TAS2R1: variants seen among roughly 807,000 people sequenced by gnomAD.
TAS2R1 encodes the protein taste receptor type 2 member 1.
For missense variants in TAS2R1, 370 were observed against 353.4 expected (o/e 1.05, Z -0.38); for synonymous variants, 141 against 134.2 (o/e 1.05, Z -0.35).
the TAS2R1 span, among the ~76,000 whole-genome samples, chr5:9,846,150 A>T: frequency 2.6e-5 from 4 of 152,228 alleles, no homozygotes; most frequent in Non-Finnish European, 5.9e-5. Context: ...GCTATTTCCG[A>T]TGAAGGGCTA....
At chr5:9,664,830 CTA>C in intron 1 of TAS2R1, among the ~76,000 whole-genome samples, 1 of 152,206 alleles carries the variant, frequency 6.6e-6, no homozygotes, top group Non-Finnish European at 1.5e-5. Flanking sequence ...ATTTAACTTA[CTA>C]TGTTTCGGGC....
At chr5:9,750,086 G>A in the TAS2R1 span, among the ~76,000 whole-genome samples, 2,409 of 152,274 alleles carry the variant, frequency 0.016, 56 homozygotes, top group African/African-American at 0.052. Flanking sequence ...TGACCAATAG[G>A]ATGCACCAGC....
At chr5:9,642,334 T>G (rs372336317) in intron 2 of TAS2R1, among the ~76,000 whole-genome samples, 3 of 152,214 alleles carry the variant, frequency 2.0e-5, no homozygotes, top group African/African-American at 7.2e-5. Flanking sequence ...AACATGTGCA[T>G]GTATTAACAT....
intron 1 of TAS2R1, among the ~76,000 whole-genome samples, chr5:9,676,929 T>C (rs1403256715): frequency 3.3e-5 from 5 of 152,092 alleles, no homozygotes; most frequent in African/African-American, 1.2e-4. Context: ...AAATATAAAT[T>C]ATTCTACCAT....
chr5:9,774,544 G>A, the TAS2R1 span, among the ~76,000 whole-genome samples: 12 of 152,304 alleles, frequency 7.9e-5, no homozygotes, highest in South Asian at 1.4e-3. Flanking sequence ...CTGACAACCC[G>A]CATTTGTTTG....
the TAS2R1 span, among the ~76,000 whole-genome samples, chr5:9,884,248 G>T: frequency 6.6e-6 from 1 of 151,918 alleles, no homozygotes; most frequent in Non-Finnish European, 1.5e-5. Flanking sequence ...GGCGGAGGTG[G>T]GTGGATCATG....
At chr5:9,727,777 C>A in the TAS2R1 span, among the ~76,000 whole-genome samples, 1 of 152,136 alleles carries the variant, frequency 6.6e-6, no homozygotes, top group African/African-American at 2.4e-5. Context: ...TCTGCGTGGT[C>A]GGCTTCTTGC....
chr5:9,808,671 G>A, the TAS2R1 span, among the ~76,000 whole-genome samples: 1 of 152,164 alleles, frequency 6.6e-6, no homozygotes, highest in Non-Finnish European at 1.5e-5. Flanking sequence ...CAGAGAAAAT[G>A]AGACAGAATG....
chr5:9,660,949 C>T (rs1037804022), intron 1 of TAS2R1, among the ~76,000 whole-genome samples: 3 of 152,138 alleles, frequency 2.0e-5, no homozygotes, highest in Non-Finnish European at 2.9e-5. Flanking sequence ...GTCCTACACC[C>T]GTAGGAACTA....
At chr5:9,832,711 A>T in the TAS2R1 span, among the ~76,000 whole-genome samples, 3 of 152,364 alleles carry the variant, frequency 2.0e-5, no homozygotes, top group South Asian at 4.1e-4. Flanking sequence ...GATTAATGAA[A>T]AGAAATGAAA....
At chr5:9,784,977 G>A in the TAS2R1 span, among the ~76,000 whole-genome samples, 2 of 152,136 alleles carry the variant, frequency 1.3e-5, no homozygotes, top group Non-Finnish European at 2.9e-5. Context: ...CATTTTTGGG[G>A]AGACACAATT....
chr5:9,756,804 A>G, the TAS2R1 span, among the ~76,000 whole-genome samples: 2 of 152,216 alleles, frequency 1.3e-5, no homozygotes, highest in Non-Finnish European at 2.9e-5. Flanking sequence ...GATTTTGATT[A>G]GATCATAAGC....
intron 1 of TAS2R1, among the ~76,000 whole-genome samples, chr5:9,696,308 C>A (rs1028787584): frequency 6.6e-6 from 1 of 151,986 alleles, no homozygotes; most frequent in Non-Finnish European, 1.5e-5. Flanking sequence ...GCCTGTAATC[C>A]CAGCACTTTG....
the TAS2R1 span, among the ~76,000 whole-genome samples, chr5:9,778,944 G>A: frequency 3.3e-5 from 5 of 152,256 alleles, no homozygotes; most frequent in African/African-American, 1.2e-4. Flanking sequence ...CAGCTTGGCT[G>A]TTTGGCACAA....
chr5:9,894,326 C>T, the TAS2R1 span, among the ~76,000 whole-genome samples: 8 of 151,932 alleles, frequency 5.3e-5, no homozygotes, highest in African/African-American at 1.7e-4. Flanking sequence ...ATCGCTTGAA[C>T]CTGGGAAGTG....
the TAS2R1 span, among the ~76,000 whole-genome samples, chr5:9,728,912 C>T: frequency 1.3e-5 from 2 of 152,176 alleles, no homozygotes; most frequent in Admixed American, 1.3e-4. Flanking sequence ...CTCTCTTGTT[C>T]AGGACTGAAG....
the TAS2R1 span, among the ~76,000 whole-genome samples, chr5:9,767,705 G>A: frequency 6.6e-6 from 1 of 152,046 alleles, no homozygotes; most frequent in Non-Finnish European, 1.5e-5. Flanking sequence ...CGAGGGTGGT[G>A]GATCACTTGA....
chr5:9,889,308 T>C, the TAS2R1 span, among the ~76,000 whole-genome samples: 4 of 152,214 alleles, frequency 2.6e-5, no homozygotes, highest in South Asian at 2.1e-4. Context: ...ACGGCAGCCC[T>C]AGTAACTGAA....
the TAS2R1 span, among the ~76,000 whole-genome samples, chr5:9,872,691 C>A: frequency 6.6e-6 from 1 of 152,186 alleles, no homozygotes; most frequent in Non-Finnish European, 1.5e-5. Context: ...TTATCCTACC[C>A]TTGGGCTACT....
Sources: allele counts gnomAD v4.1 joint callset (sites outside exome capture counted in the v4.1 genomes callset), GRCh38; gene constraint gnomAD v4.1.1; transcripts MANE v1.5; gene names NCBI Gene and HGNC (gene_info 2026-07-23, HGNC 2026-07-21).